DLGAP1: variants seen among roughly 807,000 people sequenced by gnomAD.
DLGAP1 encodes the protein DLG associated protein 1.
A neutral mutation model predicts 90.8 loss-of-function variants in DLGAP1; 11 were observed. That is an observed-to-expected ratio of 0.12 (90% CI 0.08 to 0.20). DLGAP1 has a LOEUF of 0.20. Ranked by LOEUF, DLGAP1 falls within the 10% of genes least tolerant of loss-of-function variation. The pLI is 1.00. For synonymous variants in DLGAP1, 558 were observed against 540.7 expected (o/e 1.03, Z -0.44); for missense variants, 1,050 against 1,333.8 (o/e 0.79, Z 3.31).
chr18:4,217,867 A>G (rs186813705), intron 1 of DLGAP1, among the ~76,000 whole-genome samples: 1 of 152,210 alleles, frequency 6.6e-6, no homozygotes. Context: ...CCTCAATAAA[A>G]CCACAGATGT....
intron 2 of DLGAP1, among the ~76,000 whole-genome samples, chr18:4,014,185 A>G (rs1181803482): frequency 6.7e-6 from 1 of 149,414 alleles, no homozygotes; most frequent in East Asian, 2.0e-4. Flanking sequence ...TCCCAGGTTC[A>G]AGTGATACTC....
intron 2 of DLGAP1, among the ~76,000 whole-genome samples, chr18:4,120,293 A>G (rs1216274544): frequency 1.4e-4 from 21 of 152,234 alleles, no homozygotes. Flanking sequence ...TCTACAGGTC[A>G]TCAGATGGCG....
At chr18:4,330,886 C>T (rs2080933937) in intron 1 of DLGAP1, among the ~76,000 whole-genome samples, 1 of 151,806 alleles carries the variant, frequency 6.6e-6, no homozygotes. Flanking sequence ...GTCTTCTATA[C>T]TCTTTCCAAT....
chr18:3,652,388 C>T (rs9965954), intron 7 of DLGAP1, among the ~76,000 whole-genome samples: 5,299 of 152,102 alleles, frequency 0.035, 330 homozygotes, highest in African/African-American at 0.12. Flanking sequence ...AGTGCAGTGG[C>T]GCAGTCATAG....
At chr18:3,833,565 A>G (rs1339151391) in intron 4 of DLGAP1, among the ~76,000 whole-genome samples, 2 of 151,902 alleles carry the variant, frequency 1.3e-5, no homozygotes, top group Non-Finnish European at 2.9e-5. Flanking sequence ...AACAGCTTTT[A>G]TTTTTCTCTT....
chr18:3,957,978 C>T (rs1025537726), intron 3 of DLGAP1, among the ~76,000 whole-genome samples: 26 of 151,250 alleles, frequency 1.7e-4, no homozygotes, highest in African/African-American at 5.8e-4. Flanking sequence ...ACTGCAACCT[C>T]TGCCTCCCAG....
At chr18:3,637,619 C>T (rs193214402) in intron 7 of DLGAP1, among the ~76,000 whole-genome samples, 2 of 150,510 alleles carry the variant, frequency 1.3e-5, no homozygotes, top group Admixed American at 6.6e-5. Context: ...TGGTGGCATG[C>T]ACCTATAGTC....
intron 1 of DLGAP1, among the ~76,000 whole-genome samples, chr18:4,323,390 A>G (rs2080743469): frequency 6.6e-6 from 1 of 152,342 alleles, no homozygotes; most frequent in South Asian, 2.1e-4. Flanking sequence ...CTTAAAAGAT[A>G]AAAATAGAAT....
At chr18:4,145,375 TCTC>T (rs746936845) in intron 2 of DLGAP1, among the ~76,000 whole-genome samples, 2 of 152,206 alleles carry the variant, frequency 1.3e-5, no homozygotes, top group Non-Finnish European at 2.9e-5. Flanking sequence ...GTAAGATTTA[TCTC>T]AGAACACATT....
intron 4 of DLGAP1, chr18:3,874,497 T>A: frequency 6.9e-7 from 1 of 1,443,874 alleles, no homozygotes; most frequent in South Asian, 1.5e-5. Flanking sequence ...TAAAGAGGCA[T>A]AAACAGAACC....
intron 5 of DLGAP1, among the ~76,000 whole-genome samples, chr18:3,762,436 C>T (rs1317755884): frequency 6.6e-6 from 1 of 152,174 alleles, no homozygotes; most frequent in African/African-American, 2.4e-5. Flanking sequence ...GTGTTTCTTT[C>T]AATTTTGAGA....
intron 4 of DLGAP1, among the ~76,000 whole-genome samples, chr18:3,819,558 T>A (rs897694068): frequency 5.9e-5 from 9 of 152,222 alleles, no homozygotes; most frequent in Admixed American, 2.0e-4. Flanking sequence ...GCAATTACAT[T>A]TATCATGTCA....
At chr18:4,365,377 C>G (rs1451278786) in intron 1 of DLGAP1, among the ~76,000 whole-genome samples, 2 of 152,064 alleles carry the variant, frequency 1.3e-5, no homozygotes, top group African/African-American at 4.8e-5. Flanking sequence ...TGACAGAAAG[C>G]AGATTACTGG....
chr18:3,638,752 G>A (rs1469743381), intron 7 of DLGAP1, among the ~76,000 whole-genome samples: 1 of 152,242 alleles, frequency 6.6e-6, no homozygotes, highest in East Asian at 1.9e-4. Context: ...TGTGCTTTCT[G>A]TTTTTAACAT....
At chr18:3,731,316 G>T (rs1379196978) in intron 6 of DLGAP1, among the ~76,000 whole-genome samples, 1 of 150,442 alleles carries the variant, frequency 6.6e-6, no homozygotes, top group African/African-American at 2.5e-5. Context: ...TATCTTTCCA[G>T]ATAAGTATAT....
chr18:3,741,147 CCATCACCACCACCATCACCACCACAT>C (rs1270599055), intron 6 of DLGAP1, among the ~76,000 whole-genome samples: 1 of 115,446 alleles, frequency 8.7e-6, no homozygotes, highest in Non-Finnish European at 1.8e-5. Flanking sequence ...ATCACCATCA[CCATCACCACCACCATCACCACCACAT>C]CACCACCACC....
intron 10 of DLGAP1, 23 bp from the exon 11 acceptor site, chr18:3,508,684 A>G: frequency 6.4e-7 from 1 of 1,562,576 alleles, no homozygotes; most frequent in Non-Finnish European, 8.8e-7. Context: ...AACATACGAG[A>G]AATTTACACA....
rs183970384 is a variant in DLGAP1 at position 3,835,102 on chromosome 18, T to C, written c.958-20829A>G. On this transcript the variant is annotated intron_variant, in intron 4 of 12. Transcript: ENST00000315677. ...ACATGTAACTGTATGCAAAAACCCA[T>C]ATGGCCTGTGTCAGTCTGTACCACT... Among the ~76,000 whole-genome samples the C allele has an allele frequency of 8.0e-4, 122 of 152,318 alleles. 1 individual carries two copies. The highest frequency in any genetic ancestry group is 6.8e-3 in the Middle Eastern group (2 of 294).
chr18:3,776,268 T>A (rs2064934046), intron 5 of DLGAP1, among the ~76,000 whole-genome samples: 2 of 152,188 alleles, frequency 1.3e-5, no homozygotes, highest in Admixed American at 1.3e-4. Context: ...GAGGAAACAT[T>A]AACTTTGGCT....
Sources: gnomAD v4.1 joint callset for allele counts (sites outside exome capture counted in the v4.1 genomes callset) on GRCh38, gnomAD v4.1.1 for gene constraint, MANE v1.5 for transcripts, NCBI Gene and HGNC (gene_info 2026-07-23, HGNC 2026-07-21) for gene names.